The following SYTL5 variants were observed in gnomAD, a reference collection of about 807,000 sequenced individuals.
The protein encoded by SYTL5 is synaptotagmin like 5.
A neutral mutation model predicts 55.9 loss-of-function variants in SYTL5; 34 were observed. The ratio of observed to expected loss-of-function variants is 0.61; its 90% CI spans 0.46 to 0.81. The LOEUF (loss-of-function observed/expected upper bound fraction) is 0.81, where lower values mean the gene tolerates loss of function less well. Ranked by LOEUF, SYTL5 falls within the 30% of genes least tolerant of loss-of-function variation. The pLI is 0.00. For missense variants in SYTL5, 637 were observed against 546.7 expected (o/e 1.17, Z -1.65); for synonymous variants, 221 against 188.7 (o/e 1.17, Z -1.40).
At chrX:38,014,967 G>T (rs1473014826) in intron 1 of SYTL5, among the ~76,000 whole-genome samples, 1 of 112,055 alleles carries the variant, frequency 8.9e-6, no homozygotes, top group Non-Finnish European at 1.9e-5. Flanking sequence ...ATGGGAGGCA[G>T]GTTTGCCCAA....
intron 2 of SYTL5, among the ~76,000 whole-genome samples, chrX:38,049,714 G>T (rs897480696): frequency 8.9e-6 from 1 of 111,932 alleles, no homozygotes; most frequent in African/African-American, 3.2e-5. Context: ...ATTCTGAGTG[G>T]CCATGAGTAT....
chrX:37,982,774 G>T, the SYTL5 span, among the ~76,000 whole-genome samples: 1 of 111,083 alleles, frequency 9.0e-6, no homozygotes, highest in Non-Finnish European at 1.9e-5. Context: ...AAATAAGAAG[G>T]TTCATATAAC....
At chrX:38,016,370 A>C (rs2147118765) in intron 1 of SYTL5, among the ~76,000 whole-genome samples, 1 of 111,223 alleles carries the variant, frequency 9.0e-6, no homozygotes, top group Admixed American at 9.6e-5. Context: ...TGTTCATCTT[A>C]CTCTCCACAG....
the SYTL5 span, among the ~76,000 whole-genome samples, chrX:37,909,940 G>A: frequency 1.8e-5 from 2 of 111,103 alleles, no homozygotes; most frequent in Non-Finnish European, 3.8e-5. Flanking sequence ...CTCCCAAAGT[G>A]CTGGGATTAC....
the SYTL5 span, among the ~76,000 whole-genome samples, chrX:37,954,767 G>T: frequency 9.0e-6 from 1 of 111,010 alleles, no homozygotes; most frequent in Non-Finnish European, 1.9e-5. Flanking sequence ...CACCACACAC[G>T]TACGCACACA....
At chrX:37,943,395 G>T in the SYTL5 span, among the ~76,000 whole-genome samples, 1 of 111,549 alleles carries the variant, frequency 9.0e-6, no homozygotes, top group Non-Finnish European at 1.9e-5. Flanking sequence ...TTGAAATGGG[G>T]GAAGGAGACT....
At chrX:38,102,508 T>C (rs746753393) in intron 10 of SYTL5, 74 bp downstream of exon 10, 178 of 733,596 alleles carry the variant, frequency 2.4e-4, no homozygotes, top group Middle Eastern at 1.4e-3. Context: ...CCAAAGGAGA[T>C]ATGAATGTTC....
intron 2 of SYTL5, among the ~76,000 whole-genome samples, chrX:38,047,934 C>A (rs1935511736): frequency 9.0e-6 from 1 of 111,186 alleles, no homozygotes; most frequent in Non-Finnish European, 1.9e-5. Context: ...TGCCTGTAAT[C>A]CCAGCATTTT....
intron 3 of SYTL5, among the ~76,000 whole-genome samples, chrX:38,063,383 G>A (rs1488655815): frequency 9.0e-6 from 1 of 111,684 alleles, no homozygotes; most frequent in East Asian, 2.8e-4. Context: ...CGCTTGTATA[G>A]AATGAGGTGT....
At chrX:38,092,236 A>G (rs998577108) in intron 7 of SYTL5, among the ~76,000 whole-genome samples, 1 of 112,103 alleles carries the variant, frequency 8.9e-6, no homozygotes, top group Non-Finnish European at 1.9e-5. Context: ...CCACAGGGAT[A>G]GAACTGATAA....
intron 3 of SYTL5, among the ~76,000 whole-genome samples, chrX:38,063,412 C>G (rs1412780426): frequency 1.8e-5 from 2 of 111,428 alleles, no homozygotes; most frequent in Non-Finnish European, 3.8e-5. Flanking sequence ...AGTATGGTAC[C>G]TTAATAGCTA....
In SYTL5 at chrX:38,094,253, A is replaced by C. The variant is rs1001030157; in HGVS notation, c.832-42A>C. 4 of 1,117,343 alleles carry C rather than the reference A, an allele frequency of 3.6e-6. No individual in the cohort carries two copies. In the African/African-American group the frequency reaches 7.2e-5, roughly 20 times the overall value. The allele number at this position is 1,117,343 out of a possible 1,213,427, so 92.1% of individuals were successfully genotyped here. On this transcript the variant is annotated intron_variant, in intron 7 of 16. Transcript: ENST00000297875. ...ATGTAGATGAATTTTATAGTAAATT[A>C]CAGTCAGTATAATTTTTTTCTCATT... is the stretch of plus-strand genomic sequence containing the variant.
chrX:37,909,072 C>T, the SYTL5 span, among the ~76,000 whole-genome samples: 1 of 110,535 alleles, frequency 9.0e-6, no homozygotes, highest in Non-Finnish European at 1.9e-5. Context: ...CTTTGGGGAC[C>T]TTCTCTATAC....
the SYTL5 span, chrX:37,991,205 C>T: frequency 1.7e-6 from 2 of 1,201,387 alleles, no homozygotes; most frequent in South Asian, 3.6e-5. Flanking sequence ...GACTGGGTCC[C>T]AGAGCCTTGA....
chrX:37,902,142 T>C, the SYTL5 span, among the ~76,000 whole-genome samples: 1 of 112,151 alleles, frequency 8.9e-6, no homozygotes, highest in Non-Finnish European at 1.9e-5. Context: ...TTTAGCTTTA[T>C]TTATGTTTTA....
the SYTL5 span, among the ~76,000 whole-genome samples, chrX:37,999,732 T>C: frequency 2.7e-5 from 3 of 112,034 alleles, no homozygotes; most frequent in Admixed American, 9.4e-5. Flanking sequence ...TATCAGACTA[T>C]GCTCTTTTCC....
At chrX:38,049,321 T>G (rs1179029314) in intron 2 of SYTL5, among the ~76,000 whole-genome samples, 1 of 111,955 alleles carries the variant, frequency 8.9e-6, no homozygotes, top group Non-Finnish European at 1.9e-5. Context: ...TGTATTTTTT[T>G]GGGAAATAGG....
At chrX:38,029,673 T>C (rs1358754510) in intron 1 of SYTL5, among the ~76,000 whole-genome samples, 1 of 112,244 alleles carries the variant, frequency 8.9e-6, no homozygotes, top group Non-Finnish European at 1.9e-5. Flanking sequence ...AAGCTTAATA[T>C]CTGACCTGTA....
At chrX:38,024,336 C>T (rs924178016) in intron 1 of SYTL5, among the ~76,000 whole-genome samples, 4 of 111,026 alleles carry the variant, frequency 3.6e-5, no homozygotes, top group Non-Finnish European at 7.6e-5. Context: ...CCATGTAAGA[C>T]GTGCCTTTGT....
Sources: gnomAD v4.1 joint callset for allele counts (sites outside exome capture counted in the v4.1 genomes callset) on GRCh38, gnomAD v4.1.1 for gene constraint, MANE v1.5 for transcripts, NCBI Gene and HGNC (gene_info 2026-07-23, HGNC 2026-07-21) for gene names.